The following PTK7 variants were observed in gnomAD, a reference collection of about 807,000 sequenced individuals.
The protein encoded by PTK7 is inactive tyrosine-protein kinase 7.
PTK7 carries 39 observed loss-of-function variants against 116.6 expected under a neutral mutation model. The ratio of observed to expected loss-of-function variants is 0.33; its 90% CI spans 0.26 to 0.44. PTK7 has a LOEUF of 0.44. PTK7 is among the 20% of genes least tolerant of loss of function. The pLI is 1.00. For missense variants in PTK7, 1,169 were observed against 1,425.6 expected (o/e 0.82, Z 2.90); for synonymous variants, 546 against 563.6 (o/e 0.97, Z 0.44).
chr6:43,076,768 C>T lies in PTK7; in HGVS notation c.79+201C>T, dbSNP rs1447443794. The T allele has an allele frequency of 2.1e-6, 3 of 1,396,760 alleles. No homozygotes were observed. Among genetic ancestry groups the T allele is most frequent in the South Asian group, 1.6e-5 (1 of 63,262 alleles). 86.5% of individuals were successfully genotyped at this position (1,396,760 alleles called of 1,614,324 possible). A position where few individuals can be genotyped will look rare whatever the true frequency, so the allele number is the denominator to read the frequency against. ...CTGGCGAAGCCTCCAGGGACGCGGT[C>T]AGGGTACCCCTCCCACTCGCGCCGC... On this transcript the variant is annotated intron_variant, in intron 1 of 19. Transcript: ENST00000230419. The surrounding 1 kb of genome is among the most constrained non-coding windows in gnomAD (Gnocchi z 5.7).
chr6:43,156,228 C>CA (rs5875828), intron 17 of PTK7, among the ~76,000 whole-genome samples: 2,283 of 47,290 alleles, frequency 0.048, 204 homozygotes, highest in Non-Finnish European at 0.068. Flanking sequence ...TACCCTGTCT[C>CA]AAAAAAAAAA....
intron 1 of PTK7, among the ~76,000 whole-genome samples, chr6:43,078,692 C>G (rs948001950): frequency 5.9e-5 from 9 of 152,134 alleles, no homozygotes; most frequent in African/African-American, 2.2e-4. Context: ...GGTAATTATG[C>G]CATAAATGGC....
chr6:43,117,674 G>A (rs1282535113), intron 1 of PTK7, among the ~76,000 whole-genome samples: 4 of 152,224 alleles, frequency 2.6e-5, no homozygotes, highest in East Asian at 3.9e-4. Flanking sequence ...CAGTCTGTCC[G>A]CCAGGCAGGA....
intron 13 of PTK7, chr6:43,142,732 G>A (rs759702127): frequency 2.2e-5 from 5 of 225,782 alleles, no homozygotes; most frequent in African/African-American, 4.6e-5. Flanking sequence ...TTCTCCTCTG[G>A]GGACTTGTTT....
chr6:43,083,955 C>T (rs889786181), intron 1 of PTK7, among the ~76,000 whole-genome samples: 8 of 152,104 alleles, frequency 5.3e-5, no homozygotes, highest in African/African-American at 1.9e-4. Context: ...TAGGGCAGGT[C>T]ACCAAAGTAT....
intron 7 of PTK7, among the ~76,000 whole-genome samples, chr6:43,134,875 G>A (rs143736936): frequency 1.2e-4 from 19 of 152,118 alleles, no homozygotes; most frequent in South Asian, 4.1e-4. Flanking sequence ...ATTTGAGCTC[G>A]GGAGCTGGAG....
At chr6:43,077,643 G>T (rs1766131929) in intron 1 of PTK7, among the ~76,000 whole-genome samples, 1 of 152,202 alleles carries the variant, frequency 6.6e-6, no homozygotes, top group South Asian at 2.1e-4. Context: ...AACACTCCTT[G>T]GTGGTCCTCG....
chr6:43,140,653 C>T (rs538829938), intron 10 of PTK7, among the ~76,000 whole-genome samples: 2 of 151,550 alleles, frequency 1.3e-5, no homozygotes, highest in African/African-American at 2.4e-5. Flanking sequence ...TTTGGGAGGC[C>T]GAGGTGGGAG....
chr6:43,092,063 A>G (rs1766984856), intron 1 of PTK7, among the ~76,000 whole-genome samples: 1 of 152,046 alleles, frequency 6.6e-6, no homozygotes, highest in Non-Finnish European at 1.5e-5. Flanking sequence ...GGGCTTCACC[A>G]TGTTGGTCAG....
At chr6:43,157,352 ATATATATATAT>A (rs1561990305) in intron 17 of PTK7, among the ~76,000 whole-genome samples, 13 of 4,606 alleles carry the variant, frequency 2.8e-3, no homozygotes, top group African/African-American at 9.3e-3. Flanking sequence ...ATATATATAT[ATATATATATAT>A]ATTTTTTTTT....
intron 17 of PTK7, among the ~76,000 whole-genome samples, chr6:43,157,364 A>ATATATATATATATATATTTTTT (rs70990168): frequency 1.8e-5 from 1 of 54,364 alleles, no homozygotes; most frequent in Non-Finnish European, 3.3e-5. Flanking sequence ...ATATATATAT[A>ATATATATATATATATATTTTTT]TTTTTTTTTT....
At chr6:43,159,255 A>G (rs1771696644) in intron 18 of PTK7, among the ~76,000 whole-genome samples, 1 of 152,244 alleles carries the variant, frequency 6.6e-6, no homozygotes, top group African/African-American at 2.4e-5. Context: ...TAATCTATTT[A>G]TATGGCTCTC....
intron 15 of PTK7, chr6:43,144,891 A>C (rs1770638019): frequency 7.2e-6 from 3 of 418,688 alleles, no homozygotes; most frequent in Non-Finnish European, 1.3e-5. Flanking sequence ...TCTAGGAAAA[A>C]ATATGAGAAA....
Position 43,143,193 on chromosome 6 carries a change from T to G in PTK7, c.2048-224T>G, listed in dbSNP as rs113585070. On this transcript the variant is annotated intron_variant, in intron 13 of 19. Coordinates refer to ENST00000230419, the MANE Select transcript of PTK7 (RefSeq NM_002821.5). This position sits in a 1 kb window ranked among gnomAD's most constrained non-coding sequence, Gnocchi z 4.2. ...CCGTGTCGCCTGTCTTGGCTTCCGA[T>G]GCAAAGCCAGCTTGGGAACCCCTGG... 5.8e-6 allele frequency: 3 copies of G among 516,818 alleles called. No homozygotes were observed. Among genetic ancestry groups the G allele is most frequent in the Non-Finnish European group, 1.0e-5 (3 of 291,104 alleles). The allele number at this position is 516,818 out of a possible 1,614,324, so 32.0% of individuals were successfully genotyped here.
At chr6:43,119,788 G>A (rs1354687822) in intron 1 of PTK7, among the ~76,000 whole-genome samples, 1 of 152,180 alleles carries the variant, frequency 6.6e-6, no homozygotes, top group East Asian at 1.9e-4. Flanking sequence ...ACAGCTGGCT[G>A]CTGTCTGTCC....
intron 1 of PTK7, among the ~76,000 whole-genome samples, chr6:43,125,901 G>A (rs888241600): frequency 6.6e-6 from 1 of 152,138 alleles, no homozygotes; most frequent in South Asian, 2.1e-4. Flanking sequence ...CTGTGTGGGT[G>A]AGACTCCTGG....
At chr6:43,136,789 C>T (rs1770067798) in intron 7 of PTK7, among the ~76,000 whole-genome samples, 1 of 151,976 alleles carries the variant, frequency 6.6e-6, no homozygotes, top group South Asian at 2.1e-4. Context: ...CTGCTTGAGC[C>T]TAGGAGTTTG....
chr6:43,150,518 C>G (rs1771000810), intron 17 of PTK7, among the ~76,000 whole-genome samples: 1 of 152,162 alleles, frequency 6.6e-6, no homozygotes, highest in African/African-American at 2.4e-5. Context: ...TTTACCTTGA[C>G]TAGCAGCAGA....
intron 1 of PTK7, among the ~76,000 whole-genome samples, chr6:43,113,179 C>T (rs183641909): frequency 1.5e-3 from 230 of 152,254 alleles, no homozygotes; most frequent in African/African-American, 4.8e-3. Flanking sequence ...CACCTGTAAT[C>T]CCAGCACTTG....
Sources: allele counts gnomAD v4.1 joint callset (sites outside exome capture counted in the v4.1 genomes callset), GRCh38; gene constraint gnomAD v4.1.1; non-coding constraint Gnocchi (gnomAD v3.1); transcripts MANE v1.5; gene names NCBI Gene and HGNC (gene_info 2026-07-23, HGNC 2026-07-21).